The following EMG1 variants were observed in gnomAD, a reference collection of about 807,000 sequenced individuals.
The protein encoded by EMG1 is EMG1 N1-specific pseudouridine methyltransferase.
EMG1 carries 24 observed loss-of-function variants against 26.9 expected under a neutral mutation model. That is an observed-to-expected ratio of 0.89 (90% CI 0.65 to 1.26). The LOEUF (loss-of-function observed/expected upper bound fraction) is 1.26. Among genes scored for constraint, EMG1 ranks in the 50% most tolerant of loss-of-function variants. The pLI is 0.00. For synonymous variants in EMG1, 140 were observed against 112.6 expected, an observed-to-expected ratio of 1.24 and a Z score of -1.54; for missense variants, 299 against 307.6, an observed-to-expected ratio of 0.97 and a Z score of 0.21.
intron 7 of EMG1, chr12:6,997,091 C>T (rs781943171): frequency 8.5e-5 from 13 of 152,336 alleles, no homozygotes; most frequent in African/African-American, 2.9e-4. Context: ...TAATGGTCTT[C>T]AGGTCTTCAA....
intron 6 of EMG1, among the ~76,000 whole-genome samples, chr12:6,986,776 A>G (rs1946530385): frequency 7.1e-6 from 1 of 141,262 alleles, no homozygotes; most frequent in Non-Finnish European, 1.5e-5. Flanking sequence ...CAGCCTGGTG[A>G]CAGAGTGAGA....
Position 6,974,646 on chromosome 12 carries a change from C to G in EMG1, c.365C>G (p.Pro122Arg), listed in dbSNP as rs781812160. ...TQKNVLIEVNPQTRIPRTFDR... is the reference protein window; with the variant it reads ...TQKNVLIEVNRQTRIPRTFDR... ...AAGAATGTTCTGATTGAAGTGAATC[C>G]CCAGACCCGAATTCCCAGAACCTTT... is the stretch of plus-strand genomic sequence containing the variant. The change falls in exon 3 of 6, where the codon CCC becomes CGC. Residue 122 changes from proline (P) to arginine (R), a missense_variant. Transcript: ENST00000599672. The G allele has an allele frequency of 6.2e-7, 1 of 1,613,960 alleles. No individual in the cohort carries two copies. Among genetic ancestry groups the G allele is most frequent in the African/African-American group, 1.3e-5 (1 of 75,032 alleles).
rs2138330345 is a variant in EMG1, at chr12:6,979,685, C to T, written c.*3876C>T. The T allele has an allele frequency of 1.3e-6, 1 of 753,760 alleles. No individual in the cohort carries two copies. Among genetic ancestry groups the T allele is most frequent in the South Asian group, 1.6e-5 (1 of 62,410 alleles). The allele number at this position is 753,760 out of a possible 1,614,324, so 46.7% of individuals were successfully genotyped here. ...GAGTGTTTAGGGGTGTGGTTGTCTA[C>T]CTGGAATGGGATGAGAAGCTCTGCT... is the stretch of plus-strand genomic sequence containing the variant. On this transcript the variant is annotated 3_prime_UTR_variant, in exon 6 of 6. Coordinates refer to ENST00000599672, the MANE Select transcript of EMG1 (RefSeq NM_006331.8).
chr12:6,981,082 C>T (rs1555153997), downstream of EMG1: 1 of 1,613,838 alleles, frequency 6.2e-7, no homozygotes, highest in African/African-American at 1.3e-5. Flanking sequence ...GAACTGGGGC[C>T]CTACCAAGAA....
chr12:6,974,506 T>C, intron 2 of EMG1, 46 bp from the exon 3 acceptor site: 2 of 1,609,040 alleles, frequency 1.2e-6, no homozygotes, highest in South Asian at 2.2e-5. Context: ...AGCTGAGTGC[T>C]GCCTCTCTTC....
chr12:6,977,879 G>C lies in EMG1; in HGVS notation c.*2070G>C. On this transcript the variant is annotated 3_prime_UTR_variant, in exon 6 of 6. Coordinates refer to ENST00000599672, the MANE Select transcript of EMG1 (RefSeq NM_006331.8). This position sits in a 1 kb window ranked among gnomAD's most constrained non-coding sequence, Gnocchi z 4.5. ...CCACGTGTAGCCCCCAGAGGGTACA[G>C]GAGGCAGTGCTGACTGATTACTTTT... The C allele has an allele frequency of 1.9e-6, 2 of 1,028,084 alleles. No individual in the cohort carries two copies. The highest frequency in any genetic ancestry group is 2.9e-6 in the Non-Finnish European group (2 of 684,432). The allele number at this position is 1,028,084 out of a possible 1,614,324, so 63.7% of individuals were successfully genotyped here. A position where few individuals can be genotyped will look rare whatever the true frequency, so the allele number is the denominator to read the frequency against.
At chr12:6,990,104 G>A (rs1340490969), downstream of EMG1, among the ~76,000 whole-genome samples, 1 of 151,764 alleles carries the variant, frequency 6.6e-6, no homozygotes, top group Admixed American at 6.6e-5. Context: ...CTGAGTCTGG[G>A]GAGACAGAAG....
intron 7 of EMG1, among the ~76,000 whole-genome samples, chr12:6,995,499 T>A (rs192860423): frequency 6.6e-6 from 1 of 151,934 alleles, no homozygotes; most frequent in East Asian, 1.9e-4. Flanking sequence ...GTGTTTTCCT[T>A]CTTCATATTG....
In EMG1 at chr12:6,977,053, T is replaced by A; in HGVS notation, c.*1244T>A. 1.1e-6 allele frequency: 1 copy of A among 890,020 alleles called. No individual in the cohort carries two copies. Among genetic ancestry groups the A allele is most frequent in the East Asian group, 2.4e-5 (1 of 41,248 alleles). The allele number at this position is 890,020 out of a possible 1,614,324, so 55.1% of individuals were successfully genotyped here. A position where few individuals can be genotyped will look rare whatever the true frequency, so the allele number is the denominator to read the frequency against. ...CTAATCCTTGGAATTCACCCCAGAT[T>A]TCTAATACTATTGTTTTTTTCCAGT... On this transcript the variant is annotated 3_prime_UTR_variant, in exon 6 of 6. Coordinates refer to ENST00000599672, the MANE Select transcript of EMG1 (RefSeq NM_006331.8). This position sits in a 1 kb window ranked among gnomAD's most constrained non-coding sequence, Gnocchi z 4.5.
rs1296216779 is a variant in EMG1 at position 6,978,977 on chromosome 12, G to A, written c.*3168G>A. ...GCAAAGTGTTTGGAATGAGCATTTG[G>A]AATGTTAAGTACAGAGGGGCCCATA... is the stretch of plus-strand genomic sequence containing the variant. On this transcript the variant is annotated 3_prime_UTR_variant, in exon 6 of 6. Transcript: ENST00000599672. 2.4e-6 allele frequency: 1 copy of A among 414,250 alleles called. No homozygotes were observed. The highest frequency in any genetic ancestry group is 2.0e-5 in the African/African-American group (1 of 49,380). 25.7% of individuals were successfully genotyped at this position (414,250 alleles called of 1,614,324 possible).
At position 6,979,407 on chromosome 12, in the gene EMG1, T is replaced by A. The variant is rs2138329924; in HGVS notation, c.*3598T>A. 8.3e-7 allele frequency: 1 copy of A among 1,211,758 alleles called. No homozygotes were observed. The highest frequency in any genetic ancestry group is 2.3e-5 in the East Asian group (1 of 42,940). The allele number at this position is 1,211,758 out of a possible 1,614,324, so 75.1% of individuals were successfully genotyped here. On this transcript the variant is annotated 3_prime_UTR_variant, in exon 6 of 6. Transcript: ENST00000599672. ...CCTACTTCTCTGCTATCTGTAGGGA[T>A]CCTTGCCTGTCCATTTTCTAGCTCT... is the stretch of plus-strand genomic sequence containing the variant.
At chr12:6,981,032 T>C, downstream of EMG1, 1 of 1,604,338 alleles carries the variant, frequency 6.2e-7, no homozygotes, top group Non-Finnish European at 8.5e-7. Flanking sequence ...GGTATGTCAA[T>C]CAGCTCTCCC....
chr12:6,983,566 T>C, downstream of EMG1: 1 of 1,428,940 alleles, frequency 7.0e-7, no homozygotes. Flanking sequence ...ATAAGAAGAG[T>C]GTTATTTGTG....
intron 3 of EMG1, 174 bp downstream of exon 3, chr12:6,974,867 T>C: frequency 1.2e-6 from 1 of 836,030 alleles, no homozygotes; most frequent in South Asian, 1.7e-5. Flanking sequence ...TCCACTCCTG[T>C]TCTTGCAGTA....
In EMG1 at chr12:6,979,522, T is replaced by C. The variant is rs782034640; in HGVS notation, c.*3713T>C. On this transcript the variant is annotated 3_prime_UTR_variant, in exon 6 of 6. Coordinates refer to ENST00000599672, the MANE Select transcript of EMG1 (RefSeq NM_006331.8). ...CTTCTGTGATGTGGGGGCTGAGCAG[T>C]GTGTAGCCCACTAGGTAGAAAAGGC... 4 of 1,614,134 alleles carry C rather than the reference T, an allele frequency of 2.5e-6. No individual in the cohort carries two copies. The highest frequency in any genetic ancestry group is 3.3e-5 in the Admixed American group (2 of 60,012).
chr12:6,978,182 G>A lies in EMG1; in HGVS notation c.*2373G>A, dbSNP rs1477000045. 6.0e-5 allele frequency: 48 copies of A among 805,744 alleles called. No homozygotes were observed. Among genetic ancestry groups the A allele is most frequent in the South Asian group, 5.6e-4 (30 of 53,488 alleles). The allele number at this position is 805,744 out of a possible 1,614,324, so 49.9% of individuals were successfully genotyped here. Reference sequence around the variant, plus strand: ...AATATGACAGTAATGGTTTTTTTGGGAGGGGGGTATAGGTGGGGGTCAAAG... The same window carrying A: ...AATATGACAGTAATGGTTTTTTTGGAAGGGGGGTATAGGTGGGGGTCAAAG... On this transcript the variant is annotated 3_prime_UTR_variant, in exon 6 of 6. Transcript: ENST00000599672.
chr12:6,986,809 A>G (rs1487765435), intron 6 of EMG1, among the ~76,000 whole-genome samples: 1 of 150,788 alleles, frequency 6.6e-6, no homozygotes, highest in Non-Finnish European at 1.5e-5. Flanking sequence ...AAAAAAAAAA[A>G]AAAAAAAAAA....
At chr12:6,990,485 G>A (rs1946577376), downstream of EMG1, among the ~76,000 whole-genome samples, 1 of 150,314 alleles carries the variant, frequency 6.7e-6, no homozygotes, top group Non-Finnish European at 1.5e-5. Flanking sequence ...CTCCAGCCTG[G>A]GCGACACAGT....
At chr12:6,975,657 G>A in intron 5 of EMG1, 39 bp from the exon 6 acceptor site, 2 of 1,351,292 alleles carry the variant, frequency 1.5e-6, no homozygotes, top group Non-Finnish European at 2.1e-6. Flanking sequence ...AACAGCTACT[G>A]AGTGACAGAG....
Sources: allele counts gnomAD v4.1 joint callset (sites outside exome capture counted in the v4.1 genomes callset), GRCh38; gene constraint gnomAD v4.1.1; non-coding constraint Gnocchi (gnomAD v3.1); transcripts MANE v1.5; gene names NCBI Gene and HGNC (gene_info 2026-07-23, HGNC 2026-07-21).